SNX24: variants seen among roughly 807,000 people sequenced by gnomAD.
SNX24 encodes sorting nexin-24.
A neutral mutation model predicts 28.7 loss-of-function variants in SNX24; 22 were observed. The observed-to-expected ratio is 0.77, with a 90% CI of 0.55 to 1.10. The LOEUF is 1.10. SNX24 is among the 50% of genes least tolerant of loss of function. The pLI, the probability that SNX24 is intolerant of heterozygous loss-of-function variation, is 0.00. For synonymous variants in SNX24, 69 were observed against 71.5 expected, an observed-to-expected ratio of 0.96 and a Z score of 0.18; for missense variants, 221 against 201.1, an observed-to-expected ratio of 1.10 and a Z score of -0.60.
intron 1 of SNX24, among the ~76,000 whole-genome samples, chr5:122,868,036 G>A (rs1377613187): frequency 6.6e-6 from 1 of 152,218 alleles, no homozygotes. Flanking sequence ...CCCAGAGAGG[G>A]ACAGTGTACT....
At chr5:122,901,201 CAAA>C (rs58784065) in intron 1 of SNX24, among the ~76,000 whole-genome samples, 6 of 87,222 alleles carry the variant, frequency 6.9e-5, no homozygotes, top group Non-Finnish European at 2.4e-5. Flanking sequence ...AACTCCATCT[CAAA>C]AAAAAAAAAA....
At chr5:122,969,453 CTT>C (rs1271200497) in intron 3 of SNX24, among the ~76,000 whole-genome samples, 1 of 151,986 alleles carries the variant, frequency 6.6e-6, no homozygotes, top group Non-Finnish European at 1.5e-5. Flanking sequence ...AAAAAAAAAA[CTT>C]TACTTTTTCC....
chr5:122,901,667 G>T (rs1757454752), intron 1 of SNX24, among the ~76,000 whole-genome samples: 1 of 152,088 alleles, frequency 6.6e-6, no homozygotes, highest in African/African-American at 2.4e-5. Context: ...ATTGCCCCTT[G>T]GACTTTACAG....
intron 1 of SNX24, among the ~76,000 whole-genome samples, chr5:122,930,009 C>T (rs1390564435): frequency 2.6e-5 from 4 of 152,094 alleles, no homozygotes; most frequent in Non-Finnish European, 4.4e-5. Context: ...TGGAATTCTG[C>T]ATTAAAGCTC....
At chr5:123,000,059 C>G in intron 4 of SNX24, 53 bp downstream of exon 4, 2 of 1,170,504 alleles carry the variant, frequency 1.7e-6, no homozygotes, top group Non-Finnish European at 2.6e-6. Flanking sequence ...TCTTCAATGA[C>G]CAATTGATCT....
chr5:122,978,874 A>G (rs539121961), intron 3 of SNX24, among the ~76,000 whole-genome samples: 2 of 152,318 alleles, frequency 1.3e-5, no homozygotes, highest in African/African-American at 4.8e-5. Context: ...ATCTCATCCA[A>G]TATTTGTCTT....
At chr5:122,884,871 A>G (rs901228394) in intron 1 of SNX24, among the ~76,000 whole-genome samples, 1 of 152,194 alleles carries the variant, frequency 6.6e-6, no homozygotes, top group African/African-American at 2.4e-5. Context: ...ATTTATGCAC[A>G]GCTGGTCAGA....
At chr5:122,901,794 T>C (rs969277082) in intron 1 of SNX24, among the ~76,000 whole-genome samples, 4 of 152,172 alleles carry the variant, frequency 2.6e-5, no homozygotes, top group African/African-American at 9.7e-5. Context: ...TGCCTGGTCC[T>C]AGGGTCCTCC....
At chr5:122,884,251 C>CTTTTTTTTTTTTTTTT (rs758617172) in intron 1 of SNX24, among the ~76,000 whole-genome samples, 6 of 92,766 alleles carry the variant, frequency 6.5e-5, no homozygotes, top group East Asian at 3.3e-4. Context: ...GTTTCTTTTT[C>CTTTTTTTTTTTTTTTT]TTTTTTTTTT....
intron 3 of SNX24, among the ~76,000 whole-genome samples, chr5:122,973,017 C>T (rs1761020225): frequency 6.6e-6 from 1 of 152,220 alleles, no homozygotes; most frequent in African/African-American, 2.4e-5. Flanking sequence ...ACAGGAATAG[C>T]TGAGGAAAGA....
At chr5:123,020,368 G>T (rs917968815) in intron 5 of SNX24, among the ~76,000 whole-genome samples, 1 of 152,190 alleles carries the variant, frequency 6.6e-6, no homozygotes, top group Non-Finnish European at 1.5e-5. Context: ...GCATTTTGTT[G>T]TATTTGCTTT....
chr5:122,900,923 A>T (rs947410293), intron 1 of SNX24, among the ~76,000 whole-genome samples: 8 of 152,174 alleles, frequency 5.3e-5, no homozygotes, highest in Non-Finnish European at 1.2e-4. Flanking sequence ...AAATATGGCC[A>T]GGTGTGGTGG....
At chr5:122,907,953 T>G (rs2150085982) in intron 1 of SNX24, among the ~76,000 whole-genome samples, 1 of 152,222 alleles carries the variant, frequency 6.6e-6, no homozygotes, top group East Asian at 1.9e-4. Context: ...AGATTGAGAC[T>G]TCAGTGTCTT....
chr5:122,849,908 G>C (rs753744725), intron 1 of SNX24, among the ~76,000 whole-genome samples: 17 of 151,488 alleles, frequency 1.1e-4, no homozygotes, highest in South Asian at 2.1e-4. Flanking sequence ...CAGTGATCTT[G>C]AGGTGTGTAG....
At chr5:123,024,724 G>A (rs1463784266) in intron 5 of SNX24, among the ~76,000 whole-genome samples, 1 of 152,206 alleles carries the variant, frequency 6.6e-6, no homozygotes, top group African/African-American at 2.4e-5. Flanking sequence ...CAGAAAAACA[G>A]GTAGTTGTGA....
chr5:122,939,146 G>A (rs1223662177), intron 2 of SNX24, among the ~76,000 whole-genome samples: 1 of 152,064 alleles, frequency 6.6e-6, no homozygotes, highest in Non-Finnish European at 1.5e-5. Context: ...TGCAGTTTTG[G>A]TACCCTCGAT....
chr5:122,977,045 G>C (rs1761194183), intron 3 of SNX24, among the ~76,000 whole-genome samples: 1 of 151,854 alleles, frequency 6.6e-6, no homozygotes, highest in African/African-American at 2.4e-5. Flanking sequence ...GTAGTGCATT[G>C]CACTGTAGAC....
At chr5:122,877,690 C>T (rs1756294229) in intron 1 of SNX24, among the ~76,000 whole-genome samples, 1 of 152,168 alleles carries the variant, frequency 6.6e-6, no homozygotes. Flanking sequence ...CTACAGGAAG[C>T]CTATCCCATC....
intron 1 of SNX24, among the ~76,000 whole-genome samples, chr5:122,855,448 C>G (rs1237513163): frequency 6.6e-6 from 1 of 152,158 alleles, no homozygotes; most frequent in African/African-American, 2.4e-5. Flanking sequence ...GCATGTGATG[C>G]TGTTTGATAG....
Sources: gnomAD v4.1 joint callset for allele counts (sites outside exome capture counted in the v4.1 genomes callset) on GRCh38, gnomAD v4.1.1 for gene constraint, MANE v1.5 for transcripts, NCBI Gene and HGNC (gene_info 2026-07-23, HGNC 2026-07-21) for gene names.